The following PRAC2 variants were observed in gnomAD, a reference collection of about 807,000 sequenced individuals.
PRAC2 encodes PRAC2 small nuclear protein, also known as protein PRAC2.
For missense variants in PRAC2, 92 were observed against 114.5 expected, an observed-to-expected ratio of 0.80 and a Z score of 0.90; for synonymous variants, 43 against 49.5, an observed-to-expected ratio of 0.87 and a Z score of 0.55.
chr17:48,724,630 C>A lies in PRAC2; in HGVS notation c.220C>A (p.Pro74Thr), dbSNP rs1052576030. 9 of 1,232,072 alleles carry A rather than the reference C, an allele frequency of 7.3e-6. No individual in the cohort carries two copies. Among genetic ancestry groups the A allele is most frequent in the Non-Finnish European group, 9.1e-6 (9 of 987,994 alleles). 76.3% of individuals were successfully genotyped at this position (1,232,072 alleles called of 1,614,324 possible). The change falls in exon 2 of 2, where the codon CCT (proline) becomes ACT (threonine). Residue 74 changes from proline to threonine, a missense_variant. Transcript: ENST00000422730. ...STHEAPGRWKPVAPRTMKACP... is the reference protein window; with the variant it reads ...STHEAPGRWKTVAPRTMKACP... ...CCACGAGGCCCCAGGCCGCTGGAAGCCTGTAGCTCCGCGGACGATGAAAGC... is the reference window on the plus strand; with the variant it reads ...CCACGAGGCCCCAGGCCGCTGGAAGACTGTAGCTCCGCGGACGATGAAAGC...
In PRAC2 at chr17:48,724,548, G is replaced by A; in HGVS notation, c.138G>A (p.Met46Ile). ...LSGAGPIHLP[M>I]PWPNGRRHRV... ...GGGCTGGACCAATACATCTGCCGAT[G>A]CCCTGGCCGAATGGCAGGCGACATC... is the stretch of plus-strand genomic sequence containing the variant. The change falls in exon 2 of 2, where the codon ATG becomes ATA. Residue 46 changes from methionine to isoleucine, a missense_variant. By Grantham distance (10) the Met-to-Ile change is conservative (BLOSUM62 1). Coordinates refer to ENST00000422730, the MANE Select transcript of PRAC2 (RefSeq NM_001282275.2). 4.1e-6 allele frequency: 5 copies of A among 1,232,408 alleles called. No homozygotes were observed. Among genetic ancestry groups the A allele is most frequent in the Non-Finnish European group, 5.1e-6 (5 of 987,960 alleles). The allele number at this position is 1,232,408 out of a possible 1,614,324, so 76.3% of individuals were successfully genotyped here.
rs1401236196 is a variant in PRAC2, at chr17:48,723,376, T to C, written c.-84+63T>C. Reference sequence around the variant, plus strand: ...GGGGATTTCTATTAGACAGGACGGGTTGGGGCCGGGGGGCACAGGGTCTCC... The same window carrying C: ...GGGGATTTCTATTAGACAGGACGGGCTGGGGCCGGGGGGCACAGGGTCTCC... On this transcript the variant is annotated intron_variant, in intron 1 of 1. Transcript: ENST00000422730. 4 of 266,308 alleles carry C rather than the reference T, an allele frequency of 1.5e-5. No individual in the cohort carries two copies. The Admixed American group carries it at 1.6e-4, about 11-fold the overall frequency. 16.5% of individuals were successfully genotyped at this position (266,308 alleles called of 1,614,324 possible).
chr17:48,723,693 A>G (rs1342240449), intron 1 of PRAC2: 3 of 1,231,566 alleles, frequency 2.4e-6, no homozygotes, highest in South Asian at 4.1e-5. Flanking sequence ...CAGCCGGAGT[A>G]AAACCCGAAA....
chr17:48,723,755 A>G, intron 1 of PRAC2: 1 of 1,231,678 alleles, frequency 8.1e-7, no homozygotes, highest in Non-Finnish European at 1.0e-6. Flanking sequence ...ACCGAGATTC[A>G]AAAAGAGCTT....
At chr17:48,719,212 A>C (rs868133564), upstream of PRAC2, among the ~76,000 whole-genome samples, 200 of 141,140 alleles carry the variant, frequency 1.4e-3, 1 homozygote, top group African/African-American at 1.7e-3. Flanking sequence ...CTCGCACACA[A>C]ACACACACAC....
At chr17:48,722,367 T>C (rs758256018), upstream of PRAC2, 1 of 1,614,162 alleles carries the variant, frequency 6.2e-7, no homozygotes, top group Non-Finnish European at 8.5e-7. Flanking sequence ...GGCCGGTCCT[T>C]GATCTGAGAA....
upstream of PRAC2, among the ~76,000 whole-genome samples, chr17:48,722,051 C>T (rs2038150317): frequency 6.6e-6 from 1 of 152,206 alleles, no homozygotes; most frequent in Non-Finnish European, 1.5e-5. Context: ...CCAAGCCTCT[C>T]CCCCGCCTAG....
upstream of PRAC2, chr17:48,722,030 A>G: frequency 9.5e-7 from 1 of 1,055,416 alleles, no homozygotes; most frequent in Non-Finnish European, 1.3e-6. Context: ...AGCGGGTGCT[A>G]GTTCCCACTC....
chr17:48,722,318 C>T (rs764728534), upstream of PRAC2: 1 of 1,613,370 alleles, frequency 6.2e-7, no homozygotes, highest in Admixed American at 1.7e-5. Flanking sequence ...ATCAGTTTAC[C>T]TTATTAGAGA....
At chr17:48,723,990 T>C (rs1023727391) in intron 1 of PRAC2, among the ~76,000 whole-genome samples, 4 of 152,220 alleles carry the variant, frequency 2.6e-5, no homozygotes, top group African/African-American at 9.7e-5. Context: ...TGCGCCTTGT[T>C]AGTGAAAAGG....
At chr17:48,724,123 A>C (rs1375710316) in intron 1 of PRAC2, among the ~76,000 whole-genome samples, 3 of 152,220 alleles carry the variant, frequency 2.0e-5, no homozygotes, top group Non-Finnish European at 4.4e-5. Context: ...TAAGCAAAAC[A>C]TTTCCTCCTG....
intron 1 of PRAC2, chr17:48,723,798 TC>T: frequency 1.6e-6 from 2 of 1,226,824 alleles, no homozygotes; most frequent in South Asian, 4.1e-5. Context: ...GCGCCACTAC[TC>T]CCTTATTCGG....
At chr17:48,720,678 C>T (rs1458792254), upstream of PRAC2, among the ~76,000 whole-genome samples, 1 of 152,212 alleles carries the variant, frequency 6.6e-6, no homozygotes, top group East Asian at 1.9e-4. Context: ...GAAGATTTTG[C>T]ATACTCAATT....
chr17:48,720,481 T>C (rs973149073), upstream of PRAC2, among the ~76,000 whole-genome samples: 1 of 152,242 alleles, frequency 6.6e-6, no homozygotes, highest in Non-Finnish European at 1.5e-5. Flanking sequence ...TATCTTTCTC[T>C]TTCCCTGTTC....
chr17:48,720,336 C>T (rs142665747), upstream of PRAC2, among the ~76,000 whole-genome samples: 2 of 152,218 alleles, frequency 1.3e-5, no homozygotes, highest in Non-Finnish European at 2.9e-5. Flanking sequence ...GGATCCGCAC[C>T]GTCCTTCTAT....
At chr17:48,721,761 G>A (rs374296956), upstream of PRAC2, 26 of 1,461,210 alleles carry the variant, frequency 1.8e-5, no homozygotes, top group African/African-American at 1.7e-4. Context: ...TAGAGACAGC[G>A]TCTTGCTACA....
intron 1 of PRAC2, 105 bp downstream of exon 1, chr17:48,723,418 T>G: frequency 3.6e-5 from 11 of 307,510 alleles, no homozygotes; most frequent in East Asian, 5.4e-5. Context: ...GGAAACCCAA[T>G]TAGAGTGCAG....
upstream of PRAC2, among the ~76,000 whole-genome samples, chr17:48,720,332 G>T (rs1030701111): frequency 1.3e-5 from 2 of 152,192 alleles, no homozygotes; most frequent in South Asian, 2.1e-4. Context: ...GTAAGGATCC[G>T]CACCGTCCTT....
rs1169076470 is a variant in PRAC2 at position 48,724,563 on chromosome 17, C to A, written c.153C>A (p.Gly51=). The change falls in exon 2 of 2, where the codon GGC becomes GGA. Residue 51 remains glycine, a synonymous_variant. Coordinates refer to ENST00000422730, the MANE Select transcript of PRAC2 (RefSeq NM_001282275.2). ...PIHLPMPWPN[G]RRHRVLDPHT... is the part of the protein sequence containing the mutation. ...ATCTGCCGATGCCCTGGCCGAATGG[C>A]AGGCGACATCGGGTCCTGGACCCCC... The A allele has an allele frequency of 8.1e-7, 1 of 1,232,124 alleles. No homozygotes were observed. The highest frequency in any genetic ancestry group is 1.6e-5 in the African/African-American group (1 of 64,408). The allele number at this position is 1,232,124 out of a possible 1,614,324, so 76.3% of individuals were successfully genotyped here.
Sources: allele counts gnomAD v4.1 joint callset (sites outside exome capture counted in the v4.1 genomes callset), GRCh38; gene constraint gnomAD v4.1.1; transcripts MANE v1.5; gene names NCBI Gene and HGNC (gene_info 2026-07-23, HGNC 2026-07-21).